SPECC1: variants seen among roughly 807,000 people sequenced by gnomAD.
The protein encoded by SPECC1 is sperm antigen with calponin homology and coiled-coil domains 1.
A neutral mutation model predicts 104.1 loss-of-function variants in SPECC1; 62 were observed. That is an observed-to-expected ratio of 0.60 (90% confidence interval 0.49 to 0.74). The LOEUF (loss-of-function observed/expected upper bound fraction) is 0.74. SPECC1 is among the 30% of genes least tolerant of loss of function. The pLI is 0.00. For missense variants in SPECC1, 1,306 were observed against 1,310.5 expected (o/e 1.00, Z 0.05); for synonymous variants, 513 against 501.6 (o/e 1.02, Z -0.30).
intron 2 of SPECC1, among the ~76,000 whole-genome samples, chr17:20,104,425 G>T (rs2048087989): frequency 6.6e-6 from 1 of 152,136 alleles, no homozygotes; most frequent in African/African-American, 2.4e-5. Flanking sequence ...CATAAACAGG[G>T]AGAAGGATCT....
chr17:20,244,210 C>T (rs2039325414), intron 7 of SPECC1, among the ~76,000 whole-genome samples: 1 of 152,126 alleles, frequency 6.6e-6, no homozygotes, highest in Admixed American at 6.5e-5. Flanking sequence ...GCCTGGGCGA[C>T]AGAGCGAGAC....
intron 4 of SPECC1, among the ~76,000 whole-genome samples, chr17:20,215,281 G>A (rs1212649195): frequency 1.3e-5 from 2 of 152,244 alleles, no homozygotes; most frequent in Non-Finnish European, 1.5e-5. Flanking sequence ...CTCTGAAGAT[G>A]AGCAGGTGCG....
intron 3 of SPECC1, among the ~76,000 whole-genome samples, chr17:20,125,970 C>T (rs2152541667): frequency 6.6e-6 from 1 of 152,296 alleles, no homozygotes; most frequent in South Asian, 2.1e-4. Flanking sequence ...CTGTGACTTT[C>T]TCTGTTGGCA....
At chr17:20,140,915 A>G (rs1198925031) in intron 3 of SPECC1, among the ~76,000 whole-genome samples, 2 of 152,188 alleles carry the variant, frequency 1.3e-5, no homozygotes, top group African/African-American at 4.8e-5. Flanking sequence ...CTTGTGATTC[A>G]TTGTGATCTA....
intron 9 of SPECC1, among the ~76,000 whole-genome samples, chr17:20,250,996 G>A (rs2039604589): frequency 6.6e-6 from 1 of 152,012 alleles, no homozygotes; most frequent in Non-Finnish European, 1.5e-5. Context: ...GGAGGCCAAG[G>A]TAGGTGGATC....
chr17:20,108,313 C>A (rs1207033127), intron 2 of SPECC1, among the ~76,000 whole-genome samples: 2 of 151,540 alleles, frequency 1.3e-5, no homozygotes, highest in Non-Finnish European at 2.9e-5. Flanking sequence ...TCCTTCACTC[C>A]AATTTTCTTT....
intron 2 of SPECC1, among the ~76,000 whole-genome samples, chr17:20,109,504 C>G (rs1474218443): frequency 1.3e-5 from 2 of 152,134 alleles, no homozygotes; most frequent in Non-Finnish European, 2.9e-5. Flanking sequence ...TTAGGAGTCT[C>G]CTTTCTTAGA....
rs142199597 is a variant in SPECC1 at position 20,091,522 on chromosome 17, A to G, written c.-21-5109A>G. ...CTAGCAGCATCTCTGGGCTCTGTCC[A>G]GTAGCACCCCAAGTTGTGACACCGT... On this transcript the variant is annotated intron_variant, in intron 1 of 14. Transcript: ENST00000395527. Among the ~76,000 whole-genome samples the G allele has an allele frequency of 1.6e-3, 237 of 152,290 alleles. 1 individual carries two copies. Among genetic ancestry groups the G allele is most frequent in the African/African-American group, 5.3e-3 (221 of 41,582 alleles).
intron 3 of SPECC1, among the ~76,000 whole-genome samples, chr17:20,113,654 A>G (rs1045566171): frequency 2.6e-5 from 4 of 152,258 alleles, no homozygotes; most frequent in Admixed American, 2.0e-4. Flanking sequence ...ATCGTTGTAC[A>G]TCACTGTCAT....
In SPECC1 at chr17:20,317,815, A is replaced by G. The variant is rs1230881936; in HGVS notation, c.*3750A>G. On this transcript the variant is annotated 3_prime_UTR_variant, in exon 15 of 15. Coordinates refer to ENST00000395527, the MANE Select transcript of SPECC1 (RefSeq NM_001243439.2). Reference sequence around the variant, plus strand: ...TGGAACTGTGACTGATGGCCTCAGGAGTCCAGGAATAGGCCTTCTAGCACA... The same window carrying G: ...TGGAACTGTGACTGATGGCCTCAGGGGTCCAGGAATAGGCCTTCTAGCACA... 4 of 225,226 alleles carry G rather than the reference A, an allele frequency of 1.8e-5. No individual in the cohort carries two copies. Among genetic ancestry groups the G allele is most frequent in the South Asian group, 1.8e-4 (1 of 5,460 alleles). The allele number at this position is 225,226 out of a possible 1,614,324, so 14.0% of individuals were successfully genotyped here.
chr17:20,310,406 G>A lies in SPECC1; in HGVS notation c.3118-3570G>A, dbSNP rs76462982. Reference sequence around the variant, plus strand: ...TTGTCAGCATCTGTTACTTTTTGACGTTCTATCAATAGCCATTCTGACTGG... The same window carrying A: ...TTGTCAGCATCTGTTACTTTTTGACATTCTATCAATAGCCATTCTGACTGG... On this transcript the variant is annotated intron_variant, in intron 14 of 14. Transcript: ENST00000395527. 3.4e-3 allele frequency among the ~76,000 whole-genome samples: 509 copies of A among 151,924 alleles called. 25 individuals are homozygous for A. In the East Asian group the frequency reaches 0.093, roughly 28 times the overall value.
intron 1 of SPECC1, among the ~76,000 whole-genome samples, chr17:20,084,488 G>A (rs2047103042): frequency 6.6e-6 from 1 of 152,114 alleles, no homozygotes; most frequent in African/African-American, 2.4e-5. Context: ...TATTATTCAA[G>A]AATTCAAGAT....
chr17:20,241,582 A>C (rs2039205144), intron 7 of SPECC1, among the ~76,000 whole-genome samples: 1 of 152,184 alleles, frequency 6.6e-6, no homozygotes, highest in Non-Finnish European at 1.5e-5. Context: ...GAAATTCTTC[A>C]GAATCTAAGC....
At chr17:20,308,241 T>A (rs2041828845) in intron 14 of SPECC1, among the ~76,000 whole-genome samples, 1 of 151,760 alleles carries the variant, frequency 6.6e-6, no homozygotes, top group Admixed American at 6.6e-5. Flanking sequence ...TACACAAAAT[T>A]GGCCAGGTGT....
At chr17:20,217,333 A>G (rs1452710690) in intron 4 of SPECC1, among the ~76,000 whole-genome samples, 1 of 150,546 alleles carries the variant, frequency 6.6e-6, no homozygotes, top group Non-Finnish European at 1.5e-5. Context: ...AACTTGAGAT[A>G]GTTATTCCAA....
At chr17:20,015,224 A>G (rs1463706488) in intron 1 of SPECC1, among the ~76,000 whole-genome samples, 1 of 151,976 alleles carries the variant, frequency 6.6e-6, no homozygotes, top group African/African-American at 2.4e-5. Context: ...GGGAATTAGA[A>G]TATCTTGATT....
At chr17:20,169,729 C>G (rs1271910921) in intron 3 of SPECC1, among the ~76,000 whole-genome samples, 1 of 152,144 alleles carries the variant, frequency 6.6e-6, no homozygotes, top group Non-Finnish European at 1.5e-5. Context: ...TCTCGAACTC[C>G]TGGCCTCAAG....
intron 7 of SPECC1, 69 bp from the exon 8 acceptor site, chr17:20,245,857 C>G: frequency 6.4e-7 from 1 of 1,570,822 alleles, no homozygotes; most frequent in Non-Finnish European, 8.7e-7. Flanking sequence ...GTTCTGTTTT[C>G]CTCTGTGTCT....
At chr17:20,290,510 A>G (rs1417399587) in intron 12 of SPECC1, among the ~76,000 whole-genome samples, 1 of 151,300 alleles carries the variant, frequency 6.6e-6, no homozygotes, top group Non-Finnish European at 1.5e-5. Context: ...TTTTATTTTT[A>G]TGTATTTTAT....
Sources: gnomAD v4.1 joint callset for allele counts (sites outside exome capture counted in the v4.1 genomes callset) on GRCh38, gnomAD v4.1.1 for gene constraint, MANE v1.5 for transcripts, NCBI Gene and HGNC (gene_info 2026-07-23, HGNC 2026-07-21) for gene names.